The following PRKN variants were observed in gnomAD, a reference collection of about 807,000 sequenced individuals.
PRKN encodes parkin RBR E3 ubiquitin protein ligase, also known as E3 ubiquitin-protein ligase parkin.
In PRKN, 56 loss-of-function variants were observed where a neutral mutation model predicts 59.5. The observed-to-expected ratio is 0.94, with a 90% confidence interval of 0.76 to 1.18. The LOEUF (loss-of-function observed/expected upper bound fraction) is 1.18, where lower values mean the gene tolerates loss of function less well. Among genes scored for constraint, PRKN ranks in the 50% most tolerant of loss-of-function variants. The pLI is 0.00. For synonymous variants in PRKN, 250 were observed against 222.1 expected, an observed-to-expected ratio of 1.13 and a Z score of -1.12; for missense variants, 657 against 596.4, an observed-to-expected ratio of 1.10 and a Z score of -1.06.
At chr6:161,420,231 C>T (rs1021922472) in intron 9 of PRKN, among the ~76,000 whole-genome samples, 5 of 134,044 alleles carry the variant, frequency 3.7e-5, no homozygotes, top group Admixed American at 1.6e-4. Flanking sequence ...CAGAGCGAGA[C>T]TATGTCTCAA....
At position 162,391,088 on chromosome 6, in the gene PRKN, G is replaced by A. The variant is rs184810426; in HGVS notation, c.171+52222C>T. Among the ~76,000 whole-genome samples the A allele has an allele frequency of 2.6e-5, 4 of 152,266 alleles. No homozygotes were observed. The East Asian group carries it at 7.7e-4, about 29-fold the overall frequency. On this transcript the variant is annotated intron_variant, in intron 2 of 11. Coordinates refer to ENST00000366898, the MANE Select transcript of PRKN (RefSeq NM_004562.3). ...ACTCACGTGGAAACTATTTTAGCTG[G>A]CCACAGATGTGAAACTAAAAATGTT...
At chr6:162,387,321 C>T (rs928069298) in intron 2 of PRKN, among the ~76,000 whole-genome samples, 1 of 148,950 alleles carries the variant, frequency 6.7e-6, no homozygotes, top group Non-Finnish European at 1.5e-5. Context: ...TTATTCTCAA[C>T]AAAAGCTTAT....
chr6:162,335,180 C>T (rs1302352989), intron 2 of PRKN, among the ~76,000 whole-genome samples: 1 of 148,896 alleles, frequency 6.7e-6, no homozygotes, highest in East Asian at 2.0e-4. Context: ...CGTTTGGCTA[C>T]TTTTTTTCTT....
At chr6:162,569,254 C>T (rs1452737201) in intron 1 of PRKN, 7 of 583,906 alleles carry the variant, frequency 1.2e-5, no homozygotes, top group South Asian at 1.6e-5. Context: ...GCCTCAAAAG[C>T]CAGAGGGCTT....
chr6:161,999,986 A>T (rs1781990382), intron 5 of PRKN, among the ~76,000 whole-genome samples: 1 of 152,136 alleles, frequency 6.6e-6, no homozygotes, highest in African/African-American at 2.4e-5. Context: ...GTTCTTTAGA[A>T]CAAAATTTTG....
intron 9 of PRKN, among the ~76,000 whole-genome samples, chr6:161,464,753 C>G (rs1790373825): frequency 6.6e-6 from 1 of 152,216 alleles, no homozygotes; most frequent in African/African-American, 2.4e-5. Flanking sequence ...CAAAGTAAGT[C>G]ACACCTCAAA....
chr6:161,833,682 T>C (rs762791771), intron 6 of PRKN, among the ~76,000 whole-genome samples: 2 of 152,100 alleles, frequency 1.3e-5, no homozygotes, highest in Admixed American at 6.5e-5. Flanking sequence ...TATGCAACCA[T>C]TGAGAAGTGA....
chr6:162,415,853 G>T (rs1788604596), intron 2 of PRKN, among the ~76,000 whole-genome samples: 2 of 152,066 alleles, frequency 1.3e-5, no homozygotes, highest in African/African-American at 2.4e-5. Context: ...ATAAAGAAAT[G>T]TATTTTTAGA....
At chr6:161,817,228 TCA>T (rs1028479370) in intron 6 of PRKN, among the ~76,000 whole-genome samples, 38 of 152,346 alleles carry the variant, frequency 2.5e-4, no homozygotes, top group African/African-American at 8.9e-4. Context: ...CTTTGTGTAT[TCA>T]CAGACTTCTG....
chr6:162,485,506 AT>A (rs1196879135), intron 1 of PRKN, among the ~76,000 whole-genome samples: 3 of 152,202 alleles, frequency 2.0e-5, no homozygotes, highest in Non-Finnish European at 4.4e-5. Context: ...GAAAGCCAAA[AT>A]AAATGTGATT....
At chr6:162,344,206 G>A (rs1784304104) in intron 2 of PRKN, among the ~76,000 whole-genome samples, 1 of 152,094 alleles carries the variant, frequency 6.6e-6, no homozygotes. Flanking sequence ...ATATTGCACA[G>A]CATTTTCTGG....
rs541851412 is a variant in PRKN, at chr6:161,752,378, A to C, written c.871+33394T>G. Among the ~76,000 whole-genome samples, 547 of 106,964 alleles carry C rather than the reference A, an allele frequency of 5.1e-3. 3 individuals carry two copies. The highest frequency in any genetic ancestry group is 0.013 in the African/African-American group (522 of 39,116). The allele number at this position is 106,964 out of a possible 152,430, so 70.2% of individuals were successfully genotyped here. ...CGAGACTCTGTCTCAAACAAACAAA[A>C]AAACAAAACAAAACAAACAAAAAAC... On this transcript the variant is annotated intron_variant, in intron 7 of 11. Transcript: ENST00000366898.
Position 161,777,174 on chromosome 6 carries a change from T to C in PRKN, c.871+8598A>G, listed in dbSNP as rs916674109. Among the ~76,000 whole-genome samples the C allele has an allele frequency of 7.2e-5, 11 of 152,312 alleles. 1 individual carries two copies. The highest frequency in any genetic ancestry group is 6.5e-4 in the Admixed American group (10 of 15,300). ...CTAATAGGGTTTTCTGGAGATTCAA[T>C]GGAGGTTTATGAGTAAGCACTAAGA... is the stretch of plus-strand genomic sequence containing the variant. On this transcript the variant is annotated intron_variant, in intron 7 of 11. Coordinates refer to ENST00000366898, the MANE Select transcript of PRKN (RefSeq NM_004562.3).
In PRKN at chr6:161,805,452, G is replaced by GCACACACACACACA. The variant is rs1554310490; in HGVS notation, c.735-19558_735-19545dup. On this transcript the variant is annotated intron_variant, in intron 6 of 11. Transcript: ENST00000366898. ...CTGTGGCCTTCCTGAGTACACACAT[G>GCACACACACACACA]CACACACACACACACACACACACAC... Among the ~76,000 whole-genome samples, 273 of 39,122 alleles carry GCACACACACACACA rather than the reference G, an allele frequency of 7.0e-3. 2 individuals carry two copies. Among genetic ancestry groups the GCACACACACACACA allele is most frequent in the Middle Eastern group, 0.059 (4 of 68 alleles). The allele number at this position is 39,122 out of a possible 152,430, so 25.7% of individuals were successfully genotyped here. A position where few individuals can be genotyped will look rare whatever the true frequency, so the allele number is the denominator to read the frequency against.
chr6:162,017,588 C>T (rs1264745528), intron 5 of PRKN, among the ~76,000 whole-genome samples: 2 of 125,376 alleles, frequency 1.6e-5, no homozygotes, highest in Non-Finnish European at 3.4e-5. Context: ...TTTGAAAAAC[C>T]ATGGTTTAAC....
intron 1 of PRKN, among the ~76,000 whole-genome samples, chr6:162,464,565 T>G (rs1465817960): frequency 6.7e-6 from 1 of 150,028 alleles, no homozygotes; most frequent in Non-Finnish European, 1.5e-5. Flanking sequence ...CCTGTAATCC[T>G]AGCACTTTGG....
intron 7 of PRKN, among the ~76,000 whole-genome samples, chr6:161,726,091 C>T (rs1787429972): frequency 6.6e-6 from 1 of 152,238 alleles, no homozygotes; most frequent in African/African-American, 2.4e-5. Context: ...CTGAGGCTCT[C>T]GTCAATGTGC....
chr6:161,778,739 G>A (rs1243952645), intron 7 of PRKN, among the ~76,000 whole-genome samples: 1 of 152,124 alleles, frequency 6.6e-6, no homozygotes, highest in Non-Finnish European at 1.5e-5. Flanking sequence ...ACAGCACCAG[G>A]AGTGCACGAT....
At chr6:162,217,102 C>T (rs1303430187) in intron 3 of PRKN, among the ~76,000 whole-genome samples, 1 of 152,124 alleles carries the variant, frequency 6.6e-6, no homozygotes, top group East Asian at 1.9e-4. Context: ...ATTCTACAAT[C>T]GAAGAATCTC....
Sources: gnomAD v4.1 joint callset for allele counts (sites outside exome capture counted in the v4.1 genomes callset) on GRCh38, gnomAD v4.1.1 for gene constraint, MANE v1.5 for transcripts, NCBI Gene and HGNC (gene_info 2026-07-23, HGNC 2026-07-21) for gene names.